Variants in CDH17 observed in about 807,000 individuals in gnomAD.
The protein encoded by CDH17 is cadherin 17, also known as cadherin-17.
CDH17 carries 67 observed loss-of-function variants against 86.3 expected under a neutral mutation model. The ratio of observed to expected loss-of-function variants is 0.78; its 90% CI spans 0.64 to 0.95. The LOEUF (loss-of-function observed/expected upper bound fraction) is 0.95, where lower values mean the gene tolerates loss of function less well. CDH17 is among the 40% of genes least tolerant of loss of function. CDH17 has a pLI of 0.00. For synonymous variants in CDH17, 367 were observed against 366.4 expected, an observed-to-expected ratio of 1.00 and a Z score of -0.02; for missense variants, 993 against 1,017.6, an observed-to-expected ratio of 0.98 and a Z score of 0.33.
intron 15 of CDH17, among the ~76,000 whole-genome samples, chr8:94,142,311 T>C (rs1396355263): frequency 2.0e-5 from 3 of 152,218 alleles, no homozygotes; most frequent in Non-Finnish European, 2.9e-5. Context: ...TCTAGACTGT[T>C]AATAGCATTA....
intron 15 of CDH17, among the ~76,000 whole-genome samples, chr8:94,137,755 G>A (rs1209478601): frequency 6.6e-6 from 1 of 152,216 alleles, no homozygotes; most frequent in Non-Finnish European, 1.5e-5. Flanking sequence ...TGTGTGTCCA[G>A]TATTTTTCAC....
chr8:94,182,599 A>G (rs1434267144), intron 3 of CDH17, among the ~76,000 whole-genome samples: 1 of 152,094 alleles, frequency 6.6e-6, no homozygotes, highest in Non-Finnish European at 1.5e-5. Flanking sequence ...CACACCAGGA[A>G]TAGAAGGTGA....
intron 1 of CDH17, among the ~76,000 whole-genome samples, chr8:94,204,126 TCTCA>T (rs1813977480): frequency 1.3e-5 from 2 of 152,158 alleles, no homozygotes; most frequent in Admixed American, 1.3e-4. Flanking sequence ...AAAATGTTTG[TCTCA>T]CTTTTTCTTT....
In CDH17 at chr8:94,128,353, AC is replaced by A; in HGVS notation, c.2399-14del. On this transcript the variant is annotated splice_polypyrimidine_tract_variant and intron_variant, in intron 17 of 17. Transcript: ENST00000027335. ...GCTAAAATTATACCTAAAAGAAAAA[AC>A]CCAGGGTCAAATAAATGGGACCTTT... 1.3e-6 allele frequency: 2 copies of A among 1,515,460 alleles called. No individual in the cohort carries two copies. Among genetic ancestry groups the A allele is most frequent in the African/African-American group, 1.4e-5 (1 of 73,080 alleles). 93.9% of individuals were successfully genotyped at this position (1,515,460 alleles called of 1,614,324 possible).
chr8:94,156,048 CCAAGT>C (rs1457843791), intron 12 of CDH17, among the ~76,000 whole-genome samples: 3 of 152,140 alleles, frequency 2.0e-5, no homozygotes, highest in Non-Finnish European at 4.4e-5. Context: ...GACTGTGAGG[CCAAGT>C]CAAGAGACCC....
At chr8:94,162,844 A>C (rs1375865748) in intron 10 of CDH17, among the ~76,000 whole-genome samples, 1 of 152,194 alleles carries the variant, frequency 6.6e-6, no homozygotes, top group Non-Finnish European at 1.5e-5. Context: ...TGTGGAGTGC[A>C]GGTGGGGACA....
chr8:94,144,241 C>T (rs763987882), intron 15 of CDH17, among the ~76,000 whole-genome samples: 9 of 152,166 alleles, frequency 5.9e-5, no homozygotes, highest in Non-Finnish European at 7.3e-5. Flanking sequence ...CGTACGTCGA[C>T]GTCGCACTGA....
chr8:94,160,484 G>A (rs1206448466), intron 11 of CDH17, among the ~76,000 whole-genome samples: 1 of 152,104 alleles, frequency 6.6e-6, no homozygotes, highest in Non-Finnish European at 1.5e-5. Flanking sequence ...ACCATGTATT[G>A]AGTATCTATC....
At chr8:94,146,214 C>A in intron 14 of CDH17, 47 bp from the exon 15 acceptor site, 1 of 1,386,782 alleles carries the variant, frequency 7.2e-7, no homozygotes, top group South Asian at 2.1e-5. Flanking sequence ...ACTCATTTTC[C>A]TCTTAATAAG....
At chr8:94,213,647 C>G (rs1814155028) in intron 1 of CDH17, among the ~76,000 whole-genome samples, 2 of 152,166 alleles carry the variant, frequency 1.3e-5, no homozygotes, top group Admixed American at 6.5e-5. Context: ...CAAGCTTTTG[C>G]TCCCATCCAG....
chr8:94,133,148 G>A (rs188273792), intron 15 of CDH17, among the ~76,000 whole-genome samples: 14 of 152,186 alleles, frequency 9.2e-5, no homozygotes, highest in East Asian at 5.8e-4. Flanking sequence ...TTGGCAATGC[G>A]GGCTCTTTTT....
intron 3 of CDH17, among the ~76,000 whole-genome samples, chr8:94,182,718 C>A (rs915088609): frequency 2.0e-5 from 3 of 152,036 alleles, no homozygotes; most frequent in Non-Finnish European, 4.4e-5. Flanking sequence ...CAAGGATACT[C>A]AATCTTGCCA....
At chr8:94,134,085 A>G (rs768788350) in intron 15 of CDH17, among the ~76,000 whole-genome samples, 52 of 152,336 alleles carry the variant, frequency 3.4e-4, no homozygotes, top group Middle Eastern at 6.8e-3. Flanking sequence ...TTTCACATCG[A>G]TGTTCATCAA....
At chr8:94,196,582 T>G (rs182714127) in intron 1 of CDH17, among the ~76,000 whole-genome samples, 3 of 152,324 alleles carry the variant, frequency 2.0e-5, no homozygotes, top group Non-Finnish European at 4.4e-5. Flanking sequence ...ACTCATTGCC[T>G]GTAATCCCAG....
At chr8:94,172,752 A>C (rs1258272745) in intron 7 of CDH17, among the ~76,000 whole-genome samples, 2 of 152,168 alleles carry the variant, frequency 1.3e-5, no homozygotes, top group African/African-American at 4.8e-5. Flanking sequence ...ATCTGGGTGG[A>C]GTCCAGAGTG....
At chr8:94,165,048 T>C (rs1813126495) in intron 10 of CDH17, among the ~76,000 whole-genome samples, 2 of 152,310 alleles carry the variant, frequency 1.3e-5, no homozygotes, top group East Asian at 3.9e-4. Context: ...CTCCTCCACT[T>C]TCCTACAGTA....
At chr8:94,161,712 A>G (rs1220353145) in intron 11 of CDH17, among the ~76,000 whole-genome samples, 1 of 152,246 alleles carries the variant, frequency 6.6e-6, no homozygotes, top group Non-Finnish European at 1.5e-5. Flanking sequence ...ATTTTTGGCT[A>G]AAAATGCTTG....
At chr8:94,166,985 G>A (rs557225722) in intron 9 of CDH17, among the ~76,000 whole-genome samples, 1 of 152,268 alleles carries the variant, frequency 6.6e-6, no homozygotes, top group Admixed American at 6.5e-5. Flanking sequence ...TCACCAAATT[G>A]GTGGTGATTT....
chr8:94,170,614 C>G, intron 8 of CDH17, 67 bp from the exon 9 acceptor site: 4 of 1,536,668 alleles, frequency 2.6e-6, no homozygotes, highest in Middle Eastern at 1.7e-4. Context: ...CAGAGAAAAT[C>G]GTTGTTTCAT....
Sources: allele counts gnomAD v4.1 joint callset (sites outside exome capture counted in the v4.1 genomes callset), GRCh38; gene constraint gnomAD v4.1.1; transcripts MANE v1.5; gene names NCBI Gene and HGNC (gene_info 2026-07-23, HGNC 2026-07-21).